The following DSCAM variants were observed in gnomAD, a reference collection of about 807,000 sequenced individuals.
The protein encoded by DSCAM is DS cell adhesion molecule, also known as cell adhesion molecule DSCAM.
In DSCAM, 47 loss-of-function variants were observed where a neutral mutation model predicts 217.7. That is an observed-to-expected ratio of 0.22 (90% CI 0.17 to 0.28). DSCAM has a LOEUF of 0.28. Ranked by LOEUF, DSCAM falls within the 10% of genes least tolerant of loss-of-function variation. The pLI is 1.00. For missense variants in DSCAM, 2,080 were observed against 2,618.3 expected (o/e 0.79, Z 4.49); for synonymous variants, 1,056 against 1,015.3 (o/e 1.04, Z -0.76).
At chr21:40,309,079 G>A (rs1041984992) in intron 9 of DSCAM, among the ~76,000 whole-genome samples, 1 of 152,046 alleles carries the variant, frequency 6.6e-6, no homozygotes, top group African/African-American at 2.4e-5. Context: ...CATAAAGCAG[G>A]CTGTAAAGTA....
At chr21:40,729,310 TCAGAAC>T (rs1359317880) in intron 1 of DSCAM, among the ~76,000 whole-genome samples, 8 of 152,172 alleles carry the variant, frequency 5.3e-5, no homozygotes, top group African/African-American at 1.9e-4. Context: ...GTGTTTGGGC[TCAGAAC>T]CCTTTAAGAA....
At chr21:40,361,105 T>G (rs1259975397) in intron 4 of DSCAM, among the ~76,000 whole-genome samples, 1 of 151,578 alleles carries the variant, frequency 6.6e-6, no homozygotes. Flanking sequence ...TCAAATTTTT[T>G]TTTGTCTCAA....
In DSCAM at chr21:40,086,630, TG is replaced by T. The variant is rs143356824; in HGVS notation, c.3968+539del. Among the ~76,000 whole-genome samples the T allele has an allele frequency of 5.8e-3, 883 of 152,336 alleles. 9 individuals carry two copies. The highest frequency in any genetic ancestry group is 0.021 in the African/African-American group (855 of 41,580). On this transcript the variant is annotated intron_variant, in intron 22 of 32. Transcript: ENST00000400454. ...AGATATAGCACTTTAAAAAGTTATATGGACAGACCATATCTCACTCACTCTC... is the reference window on the plus strand; with the variant it reads ...AGATATAGCACTTTAAAAAGTTATATGACAGACCATATCTCACTCACTCTC...
At chr21:40,574,935 A>C (rs1462529979) in intron 3 of DSCAM, among the ~76,000 whole-genome samples, 2 of 152,152 alleles carry the variant, frequency 1.3e-5, no homozygotes, top group Non-Finnish European at 2.9e-5. Context: ...CAAAACAATT[A>C]TACAATTTGA....
intron 11 of DSCAM, among the ~76,000 whole-genome samples, chr21:40,213,099 T>C (rs1206811114): frequency 6.6e-6 from 1 of 152,236 alleles, no homozygotes; most frequent in Non-Finnish European, 1.5e-5. Flanking sequence ...TCCATCGTGG[T>C]CATTTTGCAT....
intron 20 of DSCAM, among the ~76,000 whole-genome samples, chr21:40,105,599 C>A (rs946166496): frequency 2.1e-4 from 32 of 152,146 alleles, no homozygotes; most frequent in African/African-American, 7.5e-4. Context: ...TAAGGCCTCC[C>A]CAGCCATGCT....
At chr21:40,290,470 A>T (rs1277469921) in intron 10 of DSCAM, among the ~76,000 whole-genome samples, 2 of 152,014 alleles carry the variant, frequency 1.3e-5, no homozygotes, top group Non-Finnish European at 2.9e-5. Flanking sequence ...AAAATACAAA[A>T]ATTAGCTGGG....
chr21:40,713,429 G>A (rs2090804943), intron 1 of DSCAM, among the ~76,000 whole-genome samples: 1 of 152,182 alleles, frequency 6.6e-6, no homozygotes, highest in Non-Finnish European at 1.5e-5. Context: ...CTTCTATTTA[G>A]TAAAACCAAG....
intron 5 of DSCAM, among the ~76,000 whole-genome samples, chr21:40,350,902 T>TTTTTG (rs2074623354): frequency 1.4e-5 from 2 of 146,726 alleles, no homozygotes; most frequent in Non-Finnish European, 3.0e-5. Context: ...TTTTTTTTTT[T>TTTTTG]TTTAGAATTG....
intron 11 of DSCAM, among the ~76,000 whole-genome samples, chr21:40,268,107 C>A (rs180918149): frequency 6.6e-6 from 1 of 152,302 alleles, no homozygotes; most frequent in Non-Finnish European, 1.5e-5. Flanking sequence ...ATGCTTTCTC[C>A]AAGACGTATG....
chr21:40,387,167 T>C (rs1224287160), intron 3 of DSCAM, among the ~76,000 whole-genome samples: 1 of 152,148 alleles, frequency 6.6e-6, no homozygotes, highest in African/African-American at 2.4e-5. Context: ...CTGGGCTCTA[T>C]AAAGGAAGAG....
intron 3 of DSCAM, among the ~76,000 whole-genome samples, chr21:40,562,160 C>T (rs714802): frequency 0.19 from 28,705 of 152,132 alleles, 2,969 homozygotes; most frequent in African/African-American, 0.28. Context: ...CTCATCTTGA[C>T]TGTAATCCCC....
intron 14 of DSCAM, among the ~76,000 whole-genome samples, chr21:40,186,179 G>GT (rs1434534654): frequency 1.3e-5 from 2 of 152,202 alleles, no homozygotes; most frequent in African/African-American, 4.8e-5. Flanking sequence ...TCCTGGCTCT[G>GT]TTCCTGGCTT....
chr21:40,565,597 G>A (rs1218906486), intron 3 of DSCAM, among the ~76,000 whole-genome samples: 3 of 152,136 alleles, frequency 2.0e-5, no homozygotes, highest in African/African-American at 7.2e-5. Context: ...AATAGCTTCT[G>A]AATTATCATC....
In DSCAM at chr21:40,016,857, G is replaced by A. The variant is rs1219698350; in HGVS notation, c.5687-3471C>T. On this transcript the variant is annotated intron_variant, in intron 32 of 32. Transcript: ENST00000400454. This position sits in a 1 kb window ranked among gnomAD's most constrained non-coding sequence, Gnocchi z 4.3. The stretch of plus-strand genomic sequence containing the variant: ...TTCAAGAGTATAAGAGAACTGGCCT[G>A]TAATCCCCGCCCACTTTGGGAGGCC... Among the ~76,000 whole-genome samples, 3 of 152,230 alleles carry A rather than the reference G, an allele frequency of 2.0e-5. No individual in the cohort carries two copies.
intron 3 of DSCAM, among the ~76,000 whole-genome samples, chr21:40,380,730 CTG>C (rs746549141): frequency 3.3e-5 from 5 of 152,134 alleles, no homozygotes; most frequent in Non-Finnish European, 7.4e-5. Flanking sequence ...GCGGGAAAAA[CTG>C]TGGCATATCC....
At chr21:40,846,512 G>T in intron 1 of DSCAM, 107 bp downstream of exon 1, 1 of 397,892 alleles carries the variant, frequency 2.5e-6, no homozygotes, top group South Asian at 5.6e-5. Context: ...CAGATGAAGC[G>T]GAAAAAGAAA....
intron 7 of DSCAM, 134 bp downstream of exon 7, chr21:40,338,985 G>A (rs2074458210): frequency 8.9e-7 from 1 of 1,125,878 alleles, no homozygotes. Context: ...TGAGTAGGAA[G>A]GAGAGGGTAG....
intron 8 of DSCAM, among the ~76,000 whole-genome samples, chr21:40,322,804 C>T (rs779186293): frequency 4.1e-4 from 63 of 152,304 alleles, no homozygotes; most frequent in Non-Finnish European, 9.0e-4. Context: ...GGATTACAGG[C>T]GTGAGCCACC....
Sources: gnomAD v4.1 joint callset for allele counts (sites outside exome capture counted in the v4.1 genomes callset) on GRCh38, gnomAD v4.1.1 for gene constraint, Gnocchi (gnomAD v3.1) non-coding constraint, MANE v1.5 for transcripts, NCBI Gene and HGNC (gene_info 2026-07-23, HGNC 2026-07-21) for gene names.